The following ASIC2 variants were observed in gnomAD, a reference collection of about 807,000 sequenced individuals.
ASIC2 encodes acid-sensing ion channel 2.
Under a neutral mutation model 57.3 loss-of-function variants are expected in ASIC2, and 25 were observed. The observed-to-expected ratio is 0.44, with a 90% CI of 0.32 to 0.61. The LOEUF is 0.61. Ranked by LOEUF, ASIC2 falls within the 20% of genes least tolerant of loss-of-function variation. The pLI is 0.06. For synonymous variants in ASIC2, 319 were observed against 307.5 expected, an observed-to-expected ratio of 1.04 and a Z score of -0.39; for missense variants, 641 against 738.1, an observed-to-expected ratio of 0.87 and a Z score of 1.52.
chr17:33,249,624 C>T lies in ASIC2; in HGVS notation c.708+41784G>A, dbSNP rs558940438. ...GGTGGGAGGTATAACATGGCCTTCA[C>T]GCCAAGACCGAAATCTCAGCCAGGG... On this transcript the variant is annotated intron_variant, in intron 1 of 9. Transcript: ENST00000225823. Among the ~76,000 whole-genome samples the T allele has an allele frequency of 1.1e-4, 16 of 152,238 alleles. No homozygotes were observed. The East Asian group carries it at 1.5e-3, about 15-fold the overall frequency.
intron 8 of ASIC2, among the ~76,000 whole-genome samples, chr17:33,016,305 G>A (rs2141891063): frequency 6.6e-6 from 1 of 152,330 alleles, no homozygotes; most frequent in Admixed American, 6.5e-5. Context: ...CTGTCTTTGT[G>A]GCTGGCGAGT....
At chr17:33,930,069 G>T (rs539396465) in intron 1 of ASIC2, among the ~76,000 whole-genome samples, 8 of 152,172 alleles carry the variant, frequency 5.3e-5, no homozygotes, top group Non-Finnish European at 1.2e-4. Flanking sequence ...AATTGTTCAG[G>T]TTAGTAAAAG....
chr17:34,026,663 A>C (rs1344353917), intron 1 of ASIC2, among the ~76,000 whole-genome samples: 2 of 152,208 alleles, frequency 1.3e-5, no homozygotes, highest in African/African-American at 2.4e-5. Context: ...TGGCTCTTGC[A>C]GCCTCCAGCC....
intron 1 of ASIC2, among the ~76,000 whole-genome samples, chr17:33,393,347 G>A (rs1481321025): frequency 6.6e-6 from 1 of 151,972 alleles, no homozygotes; most frequent in Non-Finnish European, 1.5e-5. Flanking sequence ...CCACTTCCAT[G>A]TCATCGCTCA....
chr17:33,895,046 G>T (rs1597920293), intron 1 of ASIC2, among the ~76,000 whole-genome samples: 1 of 152,240 alleles, frequency 6.6e-6, no homozygotes, highest in East Asian at 1.9e-4. Context: ...GTACATTCAA[G>T]TTCTGCCTTT....
intron 1 of ASIC2, among the ~76,000 whole-genome samples, chr17:33,605,366 A>G (rs1196141792): frequency 6.6e-6 from 1 of 152,214 alleles, no homozygotes; most frequent in Admixed American, 6.5e-5. Flanking sequence ...AGTGATATGC[A>G]AAAAGAGGGT....
chr17:33,047,073 C>A (rs185936210), intron 3 of ASIC2, among the ~76,000 whole-genome samples: 3 of 152,250 alleles, frequency 2.0e-5, no homozygotes, highest in Non-Finnish European at 4.4e-5. Flanking sequence ...GCACACCAAG[C>A]AGTTGCCATA....
chr17:33,886,250 T>C (rs960481421), intron 1 of ASIC2, among the ~76,000 whole-genome samples: 3 of 152,098 alleles, frequency 2.0e-5, no homozygotes, highest in Admixed American at 6.6e-5. Flanking sequence ...TGCTTGGAAA[T>C]AATATACATG....
intron 1 of ASIC2, among the ~76,000 whole-genome samples, chr17:33,738,011 G>C (rs1567701976): frequency 6.6e-6 from 1 of 152,166 alleles, no homozygotes; most frequent in Admixed American, 6.5e-5. Context: ...CTAAATTGCT[G>C]GTAAGATTTA....
chr17:33,019,393 T>C (rs2091824675), intron 7 of ASIC2, among the ~76,000 whole-genome samples: 1 of 151,756 alleles, frequency 6.6e-6, no homozygotes, highest in African/African-American at 2.4e-5. Context: ...GTGGGGGCTG[T>C]GTGCATGGAT....
At chr17:33,962,873 C>A (rs991282994) in intron 1 of ASIC2, among the ~76,000 whole-genome samples, 1 of 152,126 alleles carries the variant, frequency 6.6e-6, no homozygotes, top group African/African-American at 2.4e-5. Flanking sequence ...TGAGGCTGAC[C>A]TTAAGCTACC....
chr17:33,747,382 C>T (rs2142101924), intron 1 of ASIC2, among the ~76,000 whole-genome samples: 1 of 152,124 alleles, frequency 6.6e-6, no homozygotes, highest in African/African-American at 2.4e-5. Context: ...CACCACCACG[C>T]CCAGCTAATT....
intron 1 of ASIC2, among the ~76,000 whole-genome samples, chr17:33,462,930 C>T (rs1415482028): frequency 6.6e-6 from 1 of 152,178 alleles, no homozygotes; most frequent in African/African-American, 2.4e-5. Flanking sequence ...TTGTTCTCAG[C>T]CTATGATTTG....
chr17:34,115,587 CCTT>C (rs1259792516), intron 1 of ASIC2, among the ~76,000 whole-genome samples: 7 of 152,152 alleles, frequency 4.6e-5, no homozygotes, highest in African/African-American at 1.4e-4. Context: ...TGTTAACACT[CCTT>C]CTCTTAACTT....
At chr17:33,818,312 C>T (rs139583366) in intron 1 of ASIC2, among the ~76,000 whole-genome samples, 36 of 152,278 alleles carry the variant, frequency 2.4e-4, no homozygotes, top group African/African-American at 8.2e-4. Context: ...AACTCTTAAC[C>T]TAAACCAATT....
rs368526039 is a variant in ASIC2 at position 33,463,756 on chromosome 17, G to C, written c.556-351689C>G. Among the ~76,000 whole-genome samples, 4 of 152,188 alleles carry C rather than the reference G, an allele frequency of 2.6e-5. No individual in the cohort carries two copies. In the East Asian group the frequency reaches 5.8e-4, roughly 22 times the overall value. On this transcript the variant is annotated intron_variant, in intron 1 of 9. Transcript: ENST00000359872. ...ATGGCCTGGGGCTCCCAGCCCAGTC[G>C]ATCTCTCTCTCCTCTGCCCCCAGCT... is the stretch of plus-strand genomic sequence containing the variant.
At chr17:33,894,390 T>A (rs1185705738) in intron 1 of ASIC2, among the ~76,000 whole-genome samples, 1 of 151,140 alleles carries the variant, frequency 6.6e-6, no homozygotes, top group Non-Finnish European at 1.5e-5. Flanking sequence ...TGTGTTCATG[T>A]GCTCTCTGGG....
At chr17:34,102,217 C>G (rs1271920031) in intron 1 of ASIC2, among the ~76,000 whole-genome samples, 1 of 152,084 alleles carries the variant, frequency 6.6e-6, no homozygotes, top group Non-Finnish European at 1.5e-5. Flanking sequence ...GCAACCCCAG[C>G]TACTCGGGAG....
intron 1 of ASIC2, among the ~76,000 whole-genome samples, chr17:34,016,228 T>A (rs1271077714): frequency 6.6e-6 from 1 of 151,688 alleles, no homozygotes; most frequent in Non-Finnish European, 1.5e-5. Flanking sequence ...ATCAAGACCA[T>A]CCTGGATAAC....
Sources: allele counts gnomAD v4.1 joint callset (sites outside exome capture counted in the v4.1 genomes callset), GRCh38; gene constraint gnomAD v4.1.1; transcripts MANE v1.5; gene names NCBI Gene and HGNC (gene_info 2026-07-23, HGNC 2026-07-21).